KCNQ1OT1: variants seen among roughly 807,000 people sequenced by gnomAD.
The protein encoded by KCNQ1OT1 is KCNQ1 antisense RNA 2 (non-protein coding).
At chr11:2,632,290 G>A (rs529349343) in exon 1 of KCNQ1OT1, 1 of 398,340 alleles carries the variant, frequency 2.5e-6, no homozygotes, top group Non-Finnish European at 4.4e-6. Flanking sequence ...AGTTTTCAGG[G>A]ATTTCTACAA....
At chr11:2,648,114 A>G (rs1218936165) in exon 1 of KCNQ1OT1, 1 of 199,128 alleles carries the variant, frequency 5.0e-6, no homozygotes, top group South Asian at 2.1e-4. Context: ...CTGAGGCAGG[A>G]GGATTGCTTG....
Position 2,698,846 on chromosome 11 carries a change from G to T in KCNQ1OT1, n.1149C>A. 1 of 398,720 alleles carries T rather than the reference G, an allele frequency of 2.5e-6. No homozygotes were observed. Among genetic ancestry groups the T allele is most frequent in the Non-Finnish European group, 4.4e-6 (1 of 226,206 alleles). 24.7% of individuals were successfully genotyped at this position (398,720 alleles called of 1,614,324 possible). A position where few individuals can be genotyped will look rare whatever the true frequency, so the allele number is the denominator to read the frequency against. ...AGGCCCTACCTAAAACCACCATGCG[G>T]ACTCCAGACCCGGACTGACTGGGAC... On this transcript the variant is annotated non_coding_transcript_exon_variant, in exon 1 of 1. Transcript: ENST00000597346. The surrounding 1 kb of genome is among the most constrained non-coding windows in gnomAD (Gnocchi z 5.1).
In KCNQ1OT1 at chr11:2,698,802, C is replaced by T. The variant is rs1291487117; in HGVS notation, n.1193G>A. On this transcript the variant is annotated non_coding_transcript_exon_variant, in exon 1 of 1. Transcript: ENST00000597346. The surrounding 1 kb of genome is among the most constrained non-coding windows in gnomAD (Gnocchi z 5.1). ...GATTCAGGTCCCCAACTCAGACTCC[C>T]GATCCTCTGTCCCTAATGAGGCCCT... is the stretch of plus-strand genomic sequence containing the variant. 1 of 398,802 alleles carries T rather than the reference C, an allele frequency of 2.5e-6. No homozygotes were observed. Among genetic ancestry groups the T allele is most frequent in the Admixed American group, 4.4e-5 (1 of 22,732 alleles). 24.7% of individuals were successfully genotyped at this position (398,802 alleles called of 1,614,324 possible). A position where few individuals can be genotyped will look rare whatever the true frequency, so the allele number is the denominator to read the frequency against.
At chr11:2,618,167 T>C (rs1177729521) in exon 1 of KCNQ1OT1, 4 of 398,400 alleles carry the variant, frequency 1.0e-5, no homozygotes, top group Non-Finnish European at 1.3e-5. Flanking sequence ...TATGTTTAGG[T>C]CTTTTATCCA....
Position 2,652,572 on chromosome 11 carries a change from T to C in KCNQ1OT1, n.47423A>G. On this transcript the variant is annotated non_coding_transcript_exon_variant, in exon 1 of 1. Coordinates refer to ENST00000597346, the Ensembl canonical transcript of KCNQ1OT1. This position sits in a 1 kb window ranked among gnomAD's most constrained non-coding sequence, Gnocchi z 5.9. The stretch of plus-strand genomic sequence containing the variant: ...CCAGATTCCATTGTATATTAAAGTT[T>C]CCTAGGGCTGCTCTTGCTGCCTGGA... 3 of 398,598 alleles carry C rather than the reference T, an allele frequency of 7.5e-6. No individual in the cohort carries two copies. Among genetic ancestry groups the C allele is most frequent in the Non-Finnish European group, 8.8e-6 (2 of 226,054 alleles). 24.7% of individuals were successfully genotyped at this position (398,598 alleles called of 1,614,324 possible).
At chr11:2,686,316 C>T in exon 1 of KCNQ1OT1, 1 of 398,748 alleles carries the variant, frequency 2.5e-6, no homozygotes, top group East Asian at 3.6e-5. Flanking sequence ...CTAGTGTCAC[C>T]TGGCCCGTCC....
exon 1 of KCNQ1OT1, chr11:2,631,329 T>C (rs999236566): frequency 2.5e-5 from 10 of 398,480 alleles, no homozygotes; most frequent in Non-Finnish European, 4.0e-5. Context: ...TATCCTCCAG[T>C]TGATGAATTC....
exon 1 of KCNQ1OT1, chr11:2,667,898 G>A (rs939585818): frequency 5.0e-6 from 2 of 398,496 alleles, no homozygotes; most frequent in African/African-American, 2.1e-5. Context: ...GCAGCTTGAG[G>A]CATCTTCAGT....
chr11:2,650,862 G>A, exon 1 of KCNQ1OT1: 1 of 398,632 alleles, frequency 2.5e-6, no homozygotes. Context: ...TGAGTGAGAT[G>A]ATTTATAGTC....
exon 1 of KCNQ1OT1, chr11:2,655,409 C>G (rs231346): frequency 0.11 from 41,992 of 398,626 alleles, 2,456 homozygotes; most frequent in Middle Eastern, 0.16. Context: ...ATGCTGTGCT[C>G]TTTGTCCCCA....
chr11:2,679,499 C>G lies in KCNQ1OT1; in HGVS notation n.20496G>C, dbSNP rs1372548313. 2.5e-6 allele frequency: 1 copy of G among 398,504 alleles called. No individual in the cohort carries two copies. Among genetic ancestry groups the G allele is most frequent in the Non-Finnish European group, 4.4e-6 (1 of 226,076 alleles). 24.7% of individuals were successfully genotyped at this position (398,504 alleles called of 1,614,324 possible). On this transcript the variant is annotated non_coding_transcript_exon_variant, in exon 1 of 1. Coordinates refer to ENST00000597346, the Ensembl canonical transcript of KCNQ1OT1. The surrounding 1 kb of genome is among the most constrained non-coding windows in gnomAD (Gnocchi z 4.8). ...AAGTGCCTGTCCTATAGTAGTGACA[C>G]AGTGTTACTTAAATGTATTGCTATA...
At position 2,670,262 on chromosome 11, in the gene KCNQ1OT1, C is replaced by T; in HGVS notation, n.29733G>A. 1 of 398,518 alleles carries T rather than the reference C, an allele frequency of 2.5e-6. No individual in the cohort carries two copies. The highest frequency in any genetic ancestry group is 4.4e-5 in the Admixed American group (1 of 22,720). 24.7% of individuals were successfully genotyped at this position (398,518 alleles called of 1,614,324 possible). ...GCACATGACGGGCGAGGGAAGAGGA[C>T]CATGGTAGCTTGTCTCTAGGCAACC... On this transcript the variant is annotated non_coding_transcript_exon_variant, in exon 1 of 1. Transcript: ENST00000597346. This position sits in a 1 kb window ranked among gnomAD's most constrained non-coding sequence, Gnocchi z 4.9.
At position 2,662,335 on chromosome 11, in the gene KCNQ1OT1, G is replaced by C. The variant is rs989921094; in HGVS notation, n.37660C>G. 3 of 572,222 alleles carry C rather than the reference G, an allele frequency of 5.2e-6. No homozygotes were observed. The African/African-American group carries it at 5.6e-5, about 11-fold the overall frequency. The allele number at this position is 572,222 out of a possible 1,614,324, so 35.4% of individuals were successfully genotyped here. A position where few individuals can be genotyped will look rare whatever the true frequency, so the allele number is the denominator to read the frequency against. On this transcript the variant is annotated non_coding_transcript_exon_variant, in exon 1 of 1. Transcript: ENST00000597346. ...AAACCAGACTGATCATTTTCCACTTGTTTTCATGCTTTGAGAGTCTGAGAT... is the reference window on the plus strand; with the variant it reads ...AAACCAGACTGATCATTTTCCACTTCTTTTCATGCTTTGAGAGTCTGAGAT...
Position 2,626,174 on chromosome 11 carries a change from A to G in KCNQ1OT1, n.73821T>C, listed in dbSNP as rs1052915919. 2.5e-6 allele frequency: 1 copy of G among 398,444 alleles called. No individual in the cohort carries two copies. The highest frequency in any genetic ancestry group is 2.1e-5 in the African/African-American group (1 of 48,618). 24.7% of individuals were successfully genotyped at this position (398,444 alleles called of 1,614,324 possible). A position where few individuals can be genotyped will look rare whatever the true frequency, so the allele number is the denominator to read the frequency against. ...TAAAGTTTTTCCCCTATGTTTCCTT[A>G]TAAGACTTCATAGTTTTAGGACTTT... On this transcript the variant is annotated non_coding_transcript_exon_variant, in exon 1 of 1. Transcript: ENST00000597346. This position sits in a 1 kb window ranked among gnomAD's most constrained non-coding sequence, Gnocchi z 4.0.
chr11:2,661,349 A>T lies in KCNQ1OT1; in HGVS notation n.38646T>A. 1 of 405,122 alleles carries T rather than the reference A, an allele frequency of 2.5e-6. No individual in the cohort carries two copies. Among genetic ancestry groups the T allele is most frequent in the East Asian group, 3.5e-5 (1 of 28,344 alleles). 25.1% of individuals were successfully genotyped at this position (405,122 alleles called of 1,614,324 possible). A position where few individuals can be genotyped will look rare whatever the true frequency, so the allele number is the denominator to read the frequency against. On this transcript the variant is annotated non_coding_transcript_exon_variant, in exon 1 of 1. Coordinates refer to ENST00000597346, the Ensembl canonical transcript of KCNQ1OT1. The surrounding 1 kb of genome is among the most constrained non-coding windows in gnomAD (Gnocchi z 5.9). ...ATCAGTATCCTGAGCTCCTGTGTCAAAGTTGCAGAGGTGGGCCCAGGAATC... is the reference window on the plus strand; with the variant it reads ...ATCAGTATCCTGAGCTCCTGTGTCATAGTTGCAGAGGTGGGCCCAGGAATC...
chr11:2,677,820 A>G lies in KCNQ1OT1; in HGVS notation n.22175T>C, dbSNP rs1405773970. 5.0e-6 allele frequency: 2 copies of G among 398,314 alleles called. No homozygotes were observed. The highest frequency in any genetic ancestry group is 8.8e-6 in the Non-Finnish European group (2 of 226,036). 24.7% of individuals were successfully genotyped at this position (398,314 alleles called of 1,614,324 possible). On this transcript the variant is annotated non_coding_transcript_exon_variant, in exon 1 of 1. Coordinates refer to ENST00000597346, the Ensembl canonical transcript of KCNQ1OT1. This position sits in a 1 kb window ranked among gnomAD's most constrained non-coding sequence, Gnocchi z 4.5. ...GATTAAAATGTTCATTTATGTTGTGATAGATACTGCCAAATAAGGGCTGTA... is the reference window on the plus strand; with the variant it reads ...GATTAAAATGTTCATTTATGTTGTGGTAGATACTGCCAAATAAGGGCTGTA...
Position 2,663,690 on chromosome 11 carries a change from A to T in KCNQ1OT1, n.36305T>A. 1 of 398,700 alleles carries T rather than the reference A, an allele frequency of 2.5e-6. No individual in the cohort carries two copies. The highest frequency in any genetic ancestry group is 3.6e-5 in the East Asian group (1 of 28,076). The allele number at this position is 398,700 out of a possible 1,614,324, so 24.7% of individuals were successfully genotyped here. On this transcript the variant is annotated non_coding_transcript_exon_variant, in exon 1 of 1. Coordinates refer to ENST00000597346, the Ensembl canonical transcript of KCNQ1OT1. The surrounding 1 kb of genome is among the most constrained non-coding windows in gnomAD (Gnocchi z 5.2). ...CCACAGTCCATCTAGCTGGGCAGCC[A>T]GGCCTTACCAACTCTTGGGTCTTGC... is the stretch of plus-strand genomic sequence containing the variant.
chr11:2,686,462 G>A (rs1850491778), exon 1 of KCNQ1OT1: 6 of 398,610 alleles, frequency 1.5e-5, no homozygotes, highest in Non-Finnish European at 2.7e-5. Context: ...CAATTGTTTT[G>A]AAATAATTCC....
chr11:2,674,196 G>A lies in KCNQ1OT1; in HGVS notation n.25799C>T, dbSNP rs1401153846. The A allele has an allele frequency of 2.5e-6, 1 of 398,602 alleles. No individual in the cohort carries two copies. Among genetic ancestry groups the A allele is most frequent in the African/African-American group, 2.1e-5 (1 of 48,632 alleles). 24.7% of individuals were successfully genotyped at this position (398,602 alleles called of 1,614,324 possible). On this transcript the variant is annotated non_coding_transcript_exon_variant, in exon 1 of 1. Transcript: ENST00000597346. The surrounding 1 kb of genome is among the most constrained non-coding windows in gnomAD (Gnocchi z 5.9). ...GCTGGGTGTGGCTGGGGAGAGCACAGCCAGTTGTGGGTTTTTCTTGGGGCC... is the reference window on the plus strand; with the variant it reads ...GCTGGGTGTGGCTGGGGAGAGCACAACCAGTTGTGGGTTTTTCTTGGGGCC...
Sources: gnomAD v4.1 joint callset for allele counts on GRCh38, gnomAD v4.1.1 for gene constraint, Gnocchi (gnomAD v3.1) non-coding constraint, MANE v1.5 for transcripts, NCBI Gene and HGNC (gene_info 2026-07-23, HGNC 2026-07-21) for gene names.